EPHA3: variants seen among roughly 807,000 people sequenced by gnomAD.
EPHA3 encodes EPH receptor A3.
A neutral mutation model predicts 107.1 loss-of-function variants in EPHA3; 42 were observed. The ratio of observed to expected loss-of-function variants is 0.39; its 90% CI spans 0.31 to 0.51. The LOEUF is 0.51. Among genes scored for constraint, EPHA3 ranks in the 20% least tolerant of loss-of-function variants. EPHA3 has a pLI of 0.78. For synonymous variants in EPHA3, 461 were observed against 424.8 expected, an observed-to-expected ratio of 1.09 and a Z score of -1.05; for missense variants, 1,183 against 1,211.2, an observed-to-expected ratio of 0.98 and a Z score of 0.35.
intron 15 of EPHA3, among the ~76,000 whole-genome samples, chr3:89,460,904 C>T (rs1312900703): frequency 7.2e-5 from 9 of 125,790 alleles, no homozygotes; most frequent in Middle Eastern, 3.9e-3. Context: ...TATACATGTG[C>T]CATGCTGGTG....
At chr3:89,278,264 T>C (rs1375394221) in intron 3 of EPHA3, among the ~76,000 whole-genome samples, 1 of 152,202 alleles carries the variant, frequency 6.6e-6, no homozygotes, top group Non-Finnish European at 1.5e-5. Context: ...TTGCTGGGTC[T>C]CTGTGGCATA....
chr3:89,274,650 AAC>A (rs1023943704), intron 3 of EPHA3, among the ~76,000 whole-genome samples: 1 of 152,040 alleles, frequency 6.6e-6, no homozygotes, highest in African/African-American at 2.4e-5. Context: ...AGTGAAAATC[AAC>A]ACTCTTGATA....
chr3:89,211,698 C>A (rs1271586059), intron 3 of EPHA3, among the ~76,000 whole-genome samples: 2 of 151,442 alleles, frequency 1.3e-5, no homozygotes, highest in Non-Finnish European at 1.5e-5. Flanking sequence ...TCCTCCCCCT[C>A]CCCCTCTTCC....
intron 3 of EPHA3, among the ~76,000 whole-genome samples, chr3:89,241,799 A>G (rs1296132094): frequency 6.6e-6 from 1 of 152,198 alleles, no homozygotes; most frequent in Non-Finnish European, 1.5e-5. Flanking sequence ...AAAATACAGT[A>G]TATTTCAGGT....
intron 2 of EPHA3, among the ~76,000 whole-genome samples, chr3:89,168,180 C>G (rs1432044535): frequency 6.6e-6 from 1 of 152,264 alleles, no homozygotes; most frequent in Admixed American, 6.5e-5. Context: ...TTCATAACTG[C>G]TATTTTTGGC....
At chr3:89,279,199 T>A (rs1256252666) in intron 3 of EPHA3, among the ~76,000 whole-genome samples, 1 of 152,150 alleles carries the variant, frequency 6.6e-6, no homozygotes, top group African/African-American at 2.4e-5. Flanking sequence ...TTTTTTTAAT[T>A]AACATACATA....
chr3:89,114,279 T>G (rs1707196985), intron 1 of EPHA3, among the ~76,000 whole-genome samples: 1 of 152,164 alleles, frequency 6.6e-6, no homozygotes, highest in African/African-American at 2.4e-5. Context: ...AGCAGAGCCG[T>G]ACGGGTAGAG....
At chr3:89,453,815 T>C (rs1710043388) in intron 15 of EPHA3, among the ~76,000 whole-genome samples, 1 of 152,164 alleles carries the variant, frequency 6.6e-6, no homozygotes, top group African/African-American at 2.4e-5. Context: ...AGCCATTAGA[T>C]GGGAACTTCC....
chr3:89,149,081 G>A (rs1302754292), intron 2 of EPHA3, among the ~76,000 whole-genome samples: 1 of 151,816 alleles, frequency 6.6e-6, no homozygotes, highest in African/African-American at 2.4e-5. Context: ...ATGGGAGCAT[G>A]GTTTTTCCAT....
At chr3:89,191,510 G>A (rs1490897901) in intron 2 of EPHA3, among the ~76,000 whole-genome samples, 2 of 151,876 alleles carry the variant, frequency 1.3e-5, no homozygotes. Context: ...GTTTCACTGT[G>A]TTATCCAGGA....
chr3:89,183,904 T>C (rs1705501060), intron 2 of EPHA3, among the ~76,000 whole-genome samples: 1 of 151,962 alleles, frequency 6.6e-6, no homozygotes, highest in South Asian at 2.1e-4. Flanking sequence ...GCTGGTTACA[T>C]AGAGACATTG....
At position 89,331,118 on chromosome 3, in the gene EPHA3, C is replaced by T. The variant is rs1187971010; in HGVS notation, c.815-9798C>T. The stretch of plus-strand genomic sequence containing the variant: ...GCCCCACATAGAGTGTGCAAGTGTG[C>T]AATGTATTTACATACGTTACATGTA... On this transcript the variant is annotated intron_variant, in intron 3 of 16. Coordinates refer to ENST00000336596, the MANE Select transcript of EPHA3 (RefSeq NM_005233.6). Among the ~76,000 whole-genome samples, 3 of 152,122 alleles carry T rather than the reference C, an allele frequency of 2.0e-5. No individual in the cohort carries two copies. The South Asian group carries it at 6.2e-4, about 32-fold the overall frequency.
chr3:89,395,325 T>A (rs1428137540), intron 5 of EPHA3, among the ~76,000 whole-genome samples: 1 of 152,212 alleles, frequency 6.6e-6, no homozygotes, highest in African/African-American at 2.4e-5. Flanking sequence ...AAATCATATC[T>A]ATTTTACAAT....
intron 5 of EPHA3, among the ~76,000 whole-genome samples, chr3:89,343,752 T>C (rs1326742219): frequency 6.6e-6 from 1 of 152,226 alleles, no homozygotes; most frequent in East Asian, 1.9e-4. Context: ...GGAAAATACA[T>C]GAATTTTAAA....
At chr3:89,315,877 T>A (rs997233085) in intron 3 of EPHA3, among the ~76,000 whole-genome samples, 1 of 151,770 alleles carries the variant, frequency 6.6e-6, no homozygotes, top group African/African-American at 2.4e-5. Context: ...AGGACCTGGA[T>A]CCCCTGAATC....
intron 2 of EPHA3, among the ~76,000 whole-genome samples, chr3:89,130,680 G>C (rs1372050152): frequency 6.6e-6 from 1 of 150,402 alleles, no homozygotes; most frequent in Non-Finnish European, 1.5e-5. Context: ...TGTCACCCAG[G>C]CTGGAGCGCT....
At chr3:89,265,116 C>T (rs1705507374) in intron 3 of EPHA3, among the ~76,000 whole-genome samples, 1 of 151,936 alleles carries the variant, frequency 6.6e-6, no homozygotes, top group Non-Finnish European at 1.5e-5. Context: ...AGAGACTCTC[C>T]CATAGGTGTT....
rs1284718866 is a variant in EPHA3, at chr3:89,345,760, T to TC, written c.1306+3676dup. ...TAGGTATATCTCCCAATGCTATCTC[T>TC]CCCCCCTCCCCCCACCCCACCACAG... On this transcript the variant is annotated intron_variant, in intron 5 of 16. Coordinates refer to ENST00000336596, the MANE Select transcript of EPHA3 (RefSeq NM_005233.6). 3.0e-5 allele frequency among the ~76,000 whole-genome samples: 4 copies of TC among 132,712 alleles called. No individual in the cohort carries two copies. In the South Asian group the frequency reaches 1.0e-3, roughly 34 times the overall value. 87.1% of individuals were successfully genotyped at this position (132,712 alleles called of 152,430 possible). A position where few individuals can be genotyped will look rare whatever the true frequency, so the allele number is the denominator to read the frequency against.
chr3:89,416,374 T>C (rs1709247564), intron 10 of EPHA3, among the ~76,000 whole-genome samples: 1 of 151,462 alleles, frequency 6.6e-6, no homozygotes, highest in Admixed American at 6.6e-5. Flanking sequence ...AATAAGACAA[T>C]ATAAAACTTG....
Sources: allele counts gnomAD v4.1 joint callset (sites outside exome capture counted in the v4.1 genomes callset), GRCh38; gene constraint gnomAD v4.1.1; transcripts MANE v1.5; gene names NCBI Gene and HGNC (gene_info 2026-07-23, HGNC 2026-07-21).